The following ZNF420 variants were observed in gnomAD, a reference collection of about 807,000 sequenced individuals.
ZNF420 encodes ATM and p53-associated KZNF protein.
A neutral mutation model predicts 44.7 loss-of-function variants in ZNF420; 31 were observed. The ratio of observed to expected loss-of-function variants is 0.69; its 90% confidence interval spans 0.52 to 0.94. The LOEUF (loss-of-function observed/expected upper bound fraction) is 0.94. Ranked by LOEUF, ZNF420 falls within the 40% of genes least tolerant of loss-of-function variation. ZNF420 has a pLI of 0.00. For missense variants in ZNF420, 681 were observed against 827.9 expected, an observed-to-expected ratio of 0.82 and a Z score of 2.18; for synonymous variants, 245 against 267.4, an observed-to-expected ratio of 0.92 and a Z score of 0.82.
intron 1 of ZNF420, among the ~76,000 whole-genome samples, chr19:37,064,125 C>T (rs1434353451): frequency 6.6e-6 from 1 of 152,196 alleles, no homozygotes; most frequent in African/African-American, 2.4e-5. Flanking sequence ...TATCCTATTA[C>T]TGGTAATACT....
At chr19:37,039,344 C>A (rs1430205865) in intron 1 of ZNF420, among the ~76,000 whole-genome samples, 1 of 152,146 alleles carries the variant, frequency 6.6e-6, no homozygotes, top group Non-Finnish European at 1.5e-5. Flanking sequence ...ACTTGAAAAT[C>A]AAAATGACAC....
intron 4 of ZNF420, chr19:37,108,271 A>C (rs1384437615): frequency 6.6e-6 from 1 of 152,238 alleles, no homozygotes; most frequent in Non-Finnish European, 1.5e-5. Flanking sequence ...GATCTATTTA[A>C]AATGACTTTT....
chr19:37,050,197 G>A (rs1212313864), intron 1 of ZNF420, among the ~76,000 whole-genome samples: 6 of 152,082 alleles, frequency 3.9e-5, no homozygotes, highest in South Asian at 2.1e-4. Flanking sequence ...TTGGCAATGC[G>A]GGCTCTTTTT....
chr19:37,129,285 C>T lies in ZNF420; in HGVS notation c.*227C>T, dbSNP rs184553806. ...TTTTAATATAGTAAATGTAGGAAGC[C>T]CTTTAGCCATATTGAAAACAAATAT... On this transcript the variant is annotated 3_prime_UTR_variant, in exon 5 of 5. Transcript: ENST00000337995. The T allele has an allele frequency of 6.2e-4, 328 of 524,876 alleles. 3 individuals carry two copies. Among genetic ancestry groups the T allele is most frequent in the African/African-American group, 5.9e-3 (312 of 52,542 alleles). 32.5% of individuals were successfully genotyped at this position (524,876 alleles called of 1,614,324 possible).
chr19:37,010,017 A>G (rs2074556357), intron 1 of ZNF420, among the ~76,000 whole-genome samples: 1 of 152,102 alleles, frequency 6.6e-6, no homozygotes, highest in Non-Finnish European at 1.5e-5. Context: ...CCATTGTTCG[A>G]GGGGGCCTCA....
In ZNF420 at chr19:37,022,322, G is replaced by A. The variant is rs940713360; in HGVS notation, c.-125+14240G>A. On this transcript the variant is annotated intron_variant, in intron 1 of 4. Coordinates refer to the ZNF420 transcript ENST00000587029. ...AAAATTGCAAACTAGATAATATTTG[G>A]TTAATTTCTAATGCATTTTGAATTG... is the stretch of plus-strand genomic sequence containing the variant. Among the ~76,000 whole-genome samples, 18 of 151,434 alleles carry A rather than the reference G, an allele frequency of 1.2e-4. No individual in the cohort carries two copies. In the East Asian group the frequency reaches 2.5e-3, roughly 21 times the overall value.
At chr19:37,101,172 G>A (rs973554724) in intron 4 of ZNF420, among the ~76,000 whole-genome samples, 11 of 152,012 alleles carry the variant, frequency 7.2e-5, no homozygotes, top group Non-Finnish European at 4.4e-5. Context: ...TTATGGACAC[G>A]TGATGTCTGT....
chr19:37,055,547 G>A (rs574794829), intron 1 of ZNF420, among the ~76,000 whole-genome samples: 3 of 152,320 alleles, frequency 2.0e-5, no homozygotes, highest in Admixed American at 2.0e-4. Flanking sequence ...TCCACGCAGA[G>A]CCGAAACCGT....
chr19:37,074,548 G>T (rs189361630), upstream of ZNF420, among the ~76,000 whole-genome samples: 42 of 152,222 alleles, frequency 2.8e-4, no homozygotes, highest in African/African-American at 9.6e-4. Context: ...GACCTTAATT[G>T]GGACCAGGAT....
intron 1 of ZNF420, among the ~76,000 whole-genome samples, chr19:37,016,914 A>G (rs1056863185): frequency 3.9e-5 from 6 of 152,156 alleles, no homozygotes; most frequent in Non-Finnish European, 8.8e-5. Flanking sequence ...CTTTCAAAAC[A>G]ACCCTCTTAG....
chr19:37,030,891 CGTT>C (rs1444814509), intron 1 of ZNF420, among the ~76,000 whole-genome samples: 3 of 152,052 alleles, frequency 2.0e-5, no homozygotes, highest in African/African-American at 4.8e-5. Context: ...TGTTTTCTTT[CGTT>C]GTTGTTGTTT....
At chr19:37,124,142 C>T (rs1026739710) in intron 4 of ZNF420, among the ~76,000 whole-genome samples, 2 of 152,118 alleles carry the variant, frequency 1.3e-5, no homozygotes, top group Non-Finnish European at 1.5e-5. Flanking sequence ...CACCAAATTC[C>T]ATCCATATAG....
rs536858914 is a variant in ZNF420 at position 37,056,171 on chromosome 19, G to A, written c.-124-24174G>A. ...TGGGGCTGGGTACAGGGGAGGCTGT[G>A]TCAGGGCTACCTAGGCGTTGGAGGG... On this transcript the variant is annotated intron_variant, in intron 1 of 4. Transcript: ENST00000587029. Among the ~76,000 whole-genome samples the A allele has an allele frequency of 7.0e-4, 107 of 152,030 alleles. 2 individuals carry two copies. The highest frequency in any genetic ancestry group is 4.2e-3 in the Admixed American group (64 of 15,278).
At chr19:37,057,978 T>C (rs552548894) in intron 1 of ZNF420, among the ~76,000 whole-genome samples, 3 of 152,118 alleles carry the variant, frequency 2.0e-5, no homozygotes, top group Non-Finnish European at 4.4e-5. Flanking sequence ...TCTGGACAAG[T>C]CACCCATTTG....
rs1347465371 is a variant in ZNF420, at chr19:37,128,464, T to C, written c.1473T>C (p.Thr491=). ...GKSFIRGSQL[T]QHQRIHTGEK... is the part of the protein sequence containing the mutation. ...CTTTTATTCGTGGTTCCCAGCTTAC[T>C]CAACATCAGAGAATCCATACTGGTG... is the stretch of plus-strand genomic sequence containing the variant. Residue 491 remains threonine (T), a synonymous_variant, in exon 5 of 5, where the codon ACT becomes ACC. Transcript: ENST00000337995. 1.9e-6 allele frequency: 3 copies of C among 1,614,102 alleles called. No individual in the cohort carries two copies. Among genetic ancestry groups the C allele is most frequent in the Non-Finnish European group, 2.5e-6 (3 of 1,179,982 alleles).
intron 4 of ZNF420, among the ~76,000 whole-genome samples, chr19:37,112,526 A>G (rs771309334): frequency 2.0e-5 from 3 of 152,134 alleles, no homozygotes; most frequent in Non-Finnish European, 4.4e-5. Context: ...ATTGAAAGCA[A>G]TGATAGAGAC....
At chr19:37,106,989 G>A (rs556758235) in intron 4 of ZNF420, 2 of 152,140 alleles carry the variant, frequency 1.3e-5, no homozygotes, top group South Asian at 4.2e-4. Context: ...ATTACCACTA[G>A]CATGTCTCTC....
intron 1 of ZNF420, among the ~76,000 whole-genome samples, chr19:37,052,786 C>A (rs939274464): frequency 6.6e-6 from 1 of 152,172 alleles, no homozygotes; most frequent in Non-Finnish European, 1.5e-5. Context: ...TCTCTGGCTG[C>A]CCTTAACATT....
At chr19:37,068,364 G>T (rs897411429) in intron 1 of ZNF420, among the ~76,000 whole-genome samples, 1 of 152,168 alleles carries the variant, frequency 6.6e-6, no homozygotes, top group Non-Finnish European at 1.5e-5. Flanking sequence ...AAATGGCCGG[G>T]CGCGGTGGCT....
Sources: allele counts gnomAD v4.1 joint callset (sites outside exome capture counted in the v4.1 genomes callset), GRCh38; gene constraint gnomAD v4.1.1; transcripts MANE v1.5; gene names NCBI Gene and HGNC (gene_info 2026-07-23, HGNC 2026-07-21).